The following LAMA5 variants were observed in gnomAD, a reference collection of about 807,000 sequenced individuals.
The protein encoded by LAMA5 is laminin subunit alpha 5, also known as laminin subunit alpha-5.
LAMA5 carries 260 observed loss-of-function variants against 433.4 expected under a neutral mutation model. The ratio of observed to expected loss-of-function variants is 0.60; its 90% CI spans 0.54 to 0.66. LAMA5 has a LOEUF of 0.66. Ranked by LOEUF, LAMA5 falls within the 30% of genes least tolerant of loss-of-function variation. The pLI is 0.00. For missense variants in LAMA5, 5,378 were observed against 5,258.5 expected (o/e 1.02, Z -0.70); for synonymous variants, 2,620 against 2,226.6 (o/e 1.18, Z -4.97).
chr20:62,309,646 A>AGGGGGTGGGGGGGGGGC (rs1267405426), intron 79 of LAMA5, 70 bp downstream of exon 79: 6 of 272,316 alleles, frequency 2.2e-5, no homozygotes, highest in African/African-American at 1.3e-4. Context: ...GGGTGGGGGG[A>AGGGGGTGGGGGGGGGGC]GGGTGGTAGG....
Position 62,333,684 on chromosome 20 carries a change from C to T in LAMA5, c.2901G>A (p.Val967=), listed in dbSNP as rs909532505. 1 of 1,594,602 alleles carries T rather than the reference C, an allele frequency of 6.3e-7. No individual in the cohort carries two copies. The highest frequency in any genetic ancestry group is 1.1e-5 in the South Asian group (1 of 87,338). ...CANCTAQSQP[V]AFPPSTEPAF... ...CAGGCTCCGTGCTGGGTGGGAAGGC[C>T]ACGGGCTGACTCTGTGCTGTGCCTG... The change falls in exon 24 of 80, where the codon GTG becomes GTA. Residue 967 remains valine, a synonymous_variant. Transcript: ENST00000252999.
intron 46 of LAMA5, 38 bp downstream of exon 46, chr20:62,322,620 G>GCGGCCC: frequency 7.1e-7 from 1 of 1,399,008 alleles, no homozygotes; most frequent in Non-Finnish European, 9.8e-7. Flanking sequence ...TAGTCCCTAG[G>GCGGCCC]CCCCACCCAC....
rs1235749251 is a variant in LAMA5, at chr20:62,352,015, C to T, written c.752G>A (p.Arg251His). 15 of 1,612,554 alleles carry T rather than the reference C, an allele frequency of 9.3e-6. No homozygotes were observed. The highest frequency in any genetic ancestry group is 3.3e-5 in the Admixed American group (2 of 60,002). ...GACGTTGGTGGCCTTGGTGAACTCA[C>T]GTAGCAGCGGCGAGTAGGAGAAATT... ...AMNFSYSPLL[R>H]EFTKATNVRL... The change falls in exon 5 of 80, where the codon CGT (arginine) becomes CAT (histidine). Residue 251 changes from arginine to histidine, a missense_variant. Transcript: ENST00000252999.
At chr20:62,364,688 T>C (rs1272715114) in intron 1 of LAMA5, among the ~76,000 whole-genome samples, 1 of 152,158 alleles carries the variant, frequency 6.6e-6, no homozygotes, top group Non-Finnish European at 1.5e-5. Flanking sequence ...CGGCCAGGGA[T>C]CCCCTGATGC....
At chr20:62,325,115 G>GGATGAGGAGCAGGCA (rs149996168) in intron 41 of LAMA5, 29,345 of 538,374 alleles carry the variant, frequency 0.055, 1,073 homozygotes, top group Non-Finnish European at 0.071. Flanking sequence ...GCAGGCAGGC[G>GGATGAGGAGCAGGCA]GACGAGGGGC....
intron 51 of LAMA5, chr20:62,319,224 C>G (rs1284429744): frequency 1.7e-6 from 1 of 577,358 alleles, no homozygotes; most frequent in African/African-American, 1.9e-5. Flanking sequence ...CTCCAACACC[C>G]TGACACCAGT....
rs1020741536 is a variant in LAMA5, at chr20:62,359,849, G to A, written c.450+2551C>T. 6.6e-6 allele frequency among the ~76,000 whole-genome samples: 1 copy of A among 152,042 alleles called. No individual in the cohort carries two copies. Among genetic ancestry groups the A allele is most frequent in the Admixed American group, 6.5e-5 (1 of 15,274 alleles). On this transcript the variant is annotated intron_variant, in intron 2 of 79. Transcript: ENST00000252999. This position sits in a 1 kb window ranked among gnomAD's most constrained non-coding sequence, Gnocchi z 4.3. ...AGCCCCTGCCCCACCGCACACCAGG[G>A]GTATGAGATCCGAACCGTGATGCAG...
Position 62,333,888 on chromosome 20 carries a change from G to A in LAMA5, c.2878+13C>T. 2 of 1,569,828 alleles carry A rather than the reference G, an allele frequency of 1.3e-6. No individual in the cohort carries two copies. ...TGGTGGGGCAGGGGCTGTGGCCCAG[G>A]GACCCCACTCACAGTTGGCGCAGGT... On this transcript the variant is annotated intron_variant, in intron 23 of 79. Transcript: ENST00000252999.
At position 62,319,757 on chromosome 20, in the gene LAMA5, G is replaced by A. The variant is rs140336045; in HGVS notation, c.6798C>T (p.Ala2266=). 1,843 of 1,548,818 alleles carry A rather than the reference G, an allele frequency of 1.2e-3. 2 individuals are homozygous for A. The highest frequency in any genetic ancestry group is 1.5e-3 in the Non-Finnish European group (1,714 of 1,147,248). ...CATGGCCCAGTGTGGCCTCGGTGCCGGCCAGCAATTGGCTCGCCTGGTCTC... is the reference window on the plus strand; with the variant it reads ...CATGGCCCAGTGTGGCCTCGGTGCCAGCCAGCAATTGGCTCGCCTGGTCTC... ...GTRDQASQLL[A]GTEATLGHAK... The change falls in exon 51 of 80, where the codon GCC becomes GCT. Residue 2266 remains alanine (A), a synonymous_variant. Coordinates refer to ENST00000252999, the MANE Select transcript of LAMA5 (RefSeq NM_005560.6).
chr20:62,362,991 G>A (rs1986319674), intron 1 of LAMA5, among the ~76,000 whole-genome samples: 1 of 152,142 alleles, frequency 6.6e-6, no homozygotes, highest in Admixed American at 6.5e-5. Flanking sequence ...GCAAGAAGGG[G>A]CAGGAGTAAG....
rs370913287 is a variant in LAMA5 at position 62,322,724 on chromosome 20, G to A, written c.6099C>T (p.Cys2033=). The A allele has an allele frequency of 6.3e-5, 96 of 1,532,192 alleles. No individual in the cohort carries two copies. Among genetic ancestry groups the A allele is most frequent in the Middle Eastern group, 2.3e-4 (1 of 4,308 alleles). The allele number at this position is 1,532,192 out of a possible 1,614,324, so 94.9% of individuals were successfully genotyped here. The change falls in exon 46 of 80, where the codon TGC becomes TGT. Residue 2033 remains cysteine, a synonymous_variant. Coordinates refer to ENST00000252999, the MANE Select transcript of LAMA5 (RefSeq NM_005560.6). The part of the protein sequence containing the change: ...CDCTPCGTEA[C]DPHSGHCLCK... The stretch of plus-strand genomic sequence containing the variant: ...ACAGGCAGTGCCCGCTGTGGGGGTC[G>A]CAGGCCTCTGTCCCACATGGGGTAC...
intron 57 of LAMA5, 51 bp downstream of exon 57, chr20:62,316,620 A>G (rs1986959353): frequency 7.3e-7 from 1 of 1,369,348 alleles, no homozygotes. Flanking sequence ...GGTCCCTGGG[A>G]GCTCAGATGC....
chr20:62,330,990 G>A (rs760480263), intron 29 of LAMA5, 42 bp downstream of exon 29: 2 of 1,569,974 alleles, frequency 1.3e-6, no homozygotes, highest in Non-Finnish European at 1.7e-6. Context: ...CTGCCGCCGG[G>A]CCCTCGGCCG....
intron 1 of LAMA5, 68 bp downstream of exon 1, chr20:62,366,881 G>A (rs1986791138): frequency 6.5e-6 from 8 of 1,228,514 alleles, no homozygotes; most frequent in Non-Finnish European, 8.1e-6. Context: ...CGCTCCCCCT[G>A]GGGTCGGGCC....
Position 62,311,997 on chromosome 20 carries a change from C to T in LAMA5, c.9558G>A (p.Leu3186=). The T allele has an allele frequency of 1.2e-6, 2 of 1,612,744 alleles. No homozygotes were observed. The highest frequency in any genetic ancestry group is 2.2e-5 in the East Asian group (1 of 44,884). Residue 3186 remains leucine (L), a synonymous_variant, in exon 70 of 80, where the codon CTG becomes CTA. Transcript: ENST00000252999. ...CCGCTTGAGTTTTCACTTCAGTCCT[C>T]AGGAGCTGTAGGCTCACACGGCCCT... ...LQQGRVSLQL[L]RTEVKTQAGF...
At chr20:62,320,698 A>G (rs199607589) in intron 49 of LAMA5, 29 bp from the exon 50 acceptor site, 2 of 1,612,106 alleles carry the variant, frequency 1.2e-6, no homozygotes, top group African/African-American at 2.7e-5. Flanking sequence ...GAAGGCCTGC[A>G]CTGGCCCGGG....
At chr20:62,333,319 C>T in intron 25 of LAMA5, 56 bp downstream of exon 25, 1 of 1,602,060 alleles carries the variant, frequency 6.2e-7, no homozygotes, top group Non-Finnish European at 8.5e-7. Flanking sequence ...GGAAGCCAGG[C>T]ACAGTGGGGG....
In LAMA5 at chr20:62,313,322, C is replaced by T. The variant is rs370643132; in HGVS notation, c.8792+5G>A. ...GTGGAGACGGGGAGGGCAGGCCACA[C>T]GCACCGGGCACAAGGCCTGTCCACA... is the stretch of plus-strand genomic sequence containing the variant. On this transcript the variant is annotated splice_donor_5th_base_variant and intron_variant, in intron 64 of 79. Transcript: ENST00000252999. The T allele has an allele frequency of 7.7e-6, 12 of 1,550,328 alleles. No homozygotes were observed. Among genetic ancestry groups the T allele is most frequent in the Non-Finnish European group, 9.6e-6 (11 of 1,147,350 alleles).
In LAMA5 at chr20:62,352,304, G is replaced by C. The variant is rs375094493; in HGVS notation, c.625C>G (p.Arg209Gly). Residue 209 changes from arginine to glycine, a missense_variant, in exon 4 of 80, where the codon CGG becomes GGG. By Grantham distance (125) the Arg-to-Gly change is moderately radical (BLOSUM62 -2). Coordinates refer to ENST00000252999, the MANE Select transcript of LAMA5 (RefSeq NM_005560.6). ...FGPQTLERITRDDAAICTTEY... is the reference protein window; with the variant it reads ...FGPQTLERITGDDAAICTTEY... ...GTGGTGCAGATGGCCGCGTCGTCCC[G>C]TGTGATGCGCTCCAGCGTCTGTGGC... 20 of 1,600,054 alleles carry C rather than the reference G, an allele frequency of 1.2e-5. No individual in the cohort carries two copies. Among genetic ancestry groups the C allele is most frequent in the Non-Finnish European group, 1.7e-5 (20 of 1,179,712 alleles).
Sources: allele counts gnomAD v4.1 joint callset (sites outside exome capture counted in the v4.1 genomes callset), GRCh38; gene constraint gnomAD v4.1.1; non-coding constraint Gnocchi (gnomAD v3.1); transcripts MANE v1.5; gene names NCBI Gene and HGNC (gene_info 2026-07-23, HGNC 2026-07-21).